C12orf56: variants seen among roughly 807,000 people sequenced by gnomAD.
C12orf56 encodes the protein uncharacterized protein C12orf56.
Under a neutral mutation model 69.9 loss-of-function variants are expected in C12orf56, and 71 were observed. The ratio of observed to expected loss-of-function variants is 1.02; its 90% CI spans 0.84 to 1.24. The LOEUF is 1.24. C12orf56 is among the 50% of genes most tolerant of loss of function. The pLI is 0.00. For missense variants in C12orf56, 732 were observed against 738.5 expected, an observed-to-expected ratio of 0.99 and a Z score of 0.10; for synonymous variants, 276 against 274.1, an observed-to-expected ratio of 1.01 and a Z score of -0.07.
Position 64,286,014 on chromosome 12 carries a change from A to G in C12orf56, c.1160T>C (p.Leu387Ser). ...YFIVNKLHEY[L>S]PESRDKNALQ... Reference sequence around the variant, plus strand: ...TGCATTCTTATCCCTAGACTCCGGCAAGTACTCATGAAGTTTGTTTACTAT... The same window carrying G: ...TGCATTCTTATCCCTAGACTCCGGCGAGTACTCATGAAGTTTGTTTACTAT... Residue 387 changes from leucine to serine, a missense_variant, in exon 7 of 13, where the codon TTG becomes TCG. By Grantham distance (145) the Leu-to-Ser change is moderately radical. Transcript: ENST00000543942. The G allele has an allele frequency of 1.2e-6, 2 of 1,611,632 alleles. No individual in the cohort carries two copies. Among genetic ancestry groups the G allele is most frequent in the Admixed American group, 1.7e-5 (1 of 59,764 alleles).
At chr12:64,341,889 G>A (rs1021089191) in intron 2 of C12orf56, among the ~76,000 whole-genome samples, 3 of 152,274 alleles carry the variant, frequency 2.0e-5, no homozygotes, top group Non-Finnish European at 2.9e-5. Context: ...GTGAGTGGAA[G>A]TCCATGTTGC....
chr12:64,380,005 T>G (rs1354821835), intron 1 of C12orf56, among the ~76,000 whole-genome samples: 2 of 142,812 alleles, frequency 1.4e-5, no homozygotes, highest in African/African-American at 5.3e-5. Context: ...CTCCGGAGGC[T>G]GAGGCAGGAG....
intron 1 of C12orf56, among the ~76,000 whole-genome samples, chr12:64,356,184 A>C (rs867094587): frequency 0.083 from 12,164 of 146,728 alleles, 610 homozygotes; most frequent in Middle Eastern, 0.14. Flanking sequence ...AAAAAAAAAA[A>C]AAAAAAAAAA....
intron 4 of C12orf56, among the ~76,000 whole-genome samples, chr12:64,314,043 CAAAAAAAAAAA>C (rs762340003): frequency 3.9e-4 from 26 of 67,116 alleles, no homozygotes; most frequent in Admixed American, 1.3e-3. Context: ...AACTCTGTCT[CAAAAAAAAAAA>C]AAAAAAAAAA....
chr12:64,340,696 C>T (rs571207417), intron 2 of C12orf56, among the ~76,000 whole-genome samples: 10 of 152,270 alleles, frequency 6.6e-5, no homozygotes, highest in South Asian at 2.1e-4. Context: ...ATGTTTTTAA[C>T]GAAAGAAGGA....
chr12:64,297,431 G>A (rs1476002719), intron 6 of C12orf56, among the ~76,000 whole-genome samples: 1 of 151,762 alleles, frequency 6.6e-6, no homozygotes, highest in African/African-American at 2.4e-5. Context: ...TGGGGTACAT[G>A]TGCAGAATGT....
At chr12:64,297,115 C>T (rs1337443445) in intron 6 of C12orf56, among the ~76,000 whole-genome samples, 3 of 152,088 alleles carry the variant, frequency 2.0e-5, no homozygotes, top group African/African-American at 4.8e-5. Flanking sequence ...CTTCACAGAA[C>T]GTATGTTTTC....
At chr12:64,310,552 A>C (rs2038593464) in intron 5 of C12orf56, among the ~76,000 whole-genome samples, 1 of 152,178 alleles carries the variant, frequency 6.6e-6, no homozygotes, top group Non-Finnish European at 1.5e-5. Context: ...GATGATTTGC[A>C]GAGTAATGAA....
intron 6 of C12orf56, among the ~76,000 whole-genome samples, chr12:64,298,094 G>C (rs1216899108): frequency 6.6e-6 from 1 of 152,042 alleles, no homozygotes; most frequent in Non-Finnish European, 1.5e-5. Flanking sequence ...GGCATGAGAT[G>C]GTATCTCATT....
rs1006112731 is a variant in C12orf56, at chr12:64,390,252, G to C, written c.252+62C>G. 15 of 1,515,030 alleles carry C rather than the reference G, an allele frequency of 9.9e-6. No individual in the cohort carries two copies. The Middle Eastern group carries it at 7.0e-4, about 71-fold the overall frequency. The allele number at this position is 1,515,030 out of a possible 1,614,324, so 93.8% of individuals were successfully genotyped here. ...TCCCCGCGCAGGAGGGCTGGGTTTG[G>C]GGGCCCCAGCCGGGAGTTCTCACTG... is the stretch of plus-strand genomic sequence containing the variant. On this transcript the variant is annotated intron_variant, in intron 1 of 12. Coordinates refer to ENST00000543942, the MANE Select transcript of C12orf56 (RefSeq NM_001170633.2).
chr12:64,351,301 C>T (rs1223448399), intron 2 of C12orf56, among the ~76,000 whole-genome samples: 1 of 152,160 alleles, frequency 6.6e-6, no homozygotes, highest in Non-Finnish European at 1.5e-5. Context: ...TAGCAATCAG[C>T]TTATGATAAG....
At chr12:64,279,026 A>G (rs2038090801) in intron 8 of C12orf56, among the ~76,000 whole-genome samples, 1 of 152,136 alleles carries the variant, frequency 6.6e-6, no homozygotes, top group African/African-American at 2.4e-5. Flanking sequence ...GCTGGACAGT[A>G]AGTTTGCTTC....
intron 3 of C12orf56, among the ~76,000 whole-genome samples, chr12:64,319,779 G>A (rs989570831): frequency 3.3e-5 from 5 of 152,258 alleles, no homozygotes; most frequent in South Asian, 4.1e-4. Context: ...GTCATCTATC[G>A]CCTGAGAGCA....
chr12:64,286,194 A>T, intron 6 of C12orf56, 134 bp from the exon 7 acceptor site: 3 of 613,824 alleles, frequency 4.9e-6, no homozygotes, highest in Non-Finnish European at 8.3e-6. Context: ...TCTCCCACTG[A>T]TACTAGCATA....
Position 64,285,961 on chromosome 12 carries a change from C to T in C12orf56, c.1213G>A (p.Glu405Lys), listed in dbSNP as rs1424811372. 1.3e-6 allele frequency: 2 copies of T among 1,591,566 alleles called. No individual in the cohort carries two copies. The highest frequency in any genetic ancestry group is 1.4e-5 in the African/African-American group (1 of 74,050). The change falls in exon 7 of 13, where the codon GAG (glutamate) becomes AAG (lysine). Residue 405 changes from glutamate (E) to lysine (K), a missense_variant. By Grantham distance (56) the Glu-to-Lys change is moderately conservative. Coordinates refer to ENST00000543942, the MANE Select transcript of C12orf56 (RefSeq NM_001170633.2). ...TATCTAGTTAGTACTTACACCAGCT[C>T]ATCAACCCTTTGGCTTTGATTTTGT... ...ALQNQSQRVD[E>K]LVACIEIIQT... is the part of the protein sequence containing the mutation.
chr12:64,298,271 T>C (rs1260039834), intron 6 of C12orf56, among the ~76,000 whole-genome samples: 2 of 152,244 alleles, frequency 1.3e-5, no homozygotes, highest in Non-Finnish European at 2.9e-5. Context: ...TTGTAGATTC[T>C]GGATATTAGC....
chr12:64,274,778 CT>C, intron 11 of C12orf56, 122 bp downstream of exon 11: 2 of 715,730 alleles, frequency 2.8e-6, no homozygotes, highest in Non-Finnish European at 4.4e-6. Flanking sequence ...CAAATTTACA[CT>C]TTGCTTCTGG....
chr12:64,347,478 GT>G (rs2039161888), intron 2 of C12orf56, among the ~76,000 whole-genome samples: 1 of 151,940 alleles, frequency 6.6e-6, no homozygotes, highest in African/African-American at 2.4e-5. Context: ...TAGAGACAGA[GT>G]TTCACCATAT....
chr12:64,363,992 G>A (rs1379727328), intron 1 of C12orf56, among the ~76,000 whole-genome samples: 2 of 151,008 alleles, frequency 1.3e-5, no homozygotes, highest in Admixed American at 6.6e-5. Flanking sequence ...ATTCATTTCC[G>A]TTTTTTCTTT....
Sources: gnomAD v4.1 joint callset for allele counts (sites outside exome capture counted in the v4.1 genomes callset) on GRCh38, gnomAD v4.1.1 for gene constraint, MANE v1.5 for transcripts, NCBI Gene and HGNC (gene_info 2026-07-23, HGNC 2026-07-21) for gene names.